ROBO2: variants seen among roughly 807,000 people sequenced by gnomAD.
ROBO2 encodes the protein roundabout homolog 2.
A neutral mutation model predicts 160.8 loss-of-function variants in ROBO2; 53 were observed. That is an observed-to-expected ratio of 0.33 (90% confidence interval 0.26 to 0.41). The LOEUF (loss-of-function observed/expected upper bound fraction) is 0.41, where lower values mean the gene tolerates loss of function less well. ROBO2 is among the 10% of genes least tolerant of loss of function. The pLI is 1.00. For synonymous variants in ROBO2, 664 were observed against 611.7 expected (o/e 1.09, Z -1.26); for missense variants, 1,577 against 1,722.4 (o/e 0.92, Z 1.49).
intron 2 of ROBO2, among the ~76,000 whole-genome samples, chr3:76,767,524 A>G (rs1449531022): frequency 1.3e-5 from 2 of 151,602 alleles, no homozygotes; most frequent in African/African-American, 4.8e-5. Flanking sequence ...TAGAAATGGA[A>G]AGAAATTTTC....
At chr3:76,766,984 A>G (rs578207716) in intron 2 of ROBO2, among the ~76,000 whole-genome samples, 82 of 151,690 alleles carry the variant, frequency 5.4e-4, no homozygotes, top group Non-Finnish European at 9.9e-4. Flanking sequence ...ACTTCACATT[A>G]TTTATAAAGT....
At chr3:76,214,789 C>CT (rs1293614787) in intron 2 of ROBO2, among the ~76,000 whole-genome samples, 1 of 152,210 alleles carries the variant, frequency 6.6e-6, no homozygotes, top group African/African-American at 2.4e-5. Flanking sequence ...TTAAATGTCT[C>CT]TGTCTGACAG....
At position 76,322,192 on chromosome 3, in the gene ROBO2, ATATATATATAT is replaced by A. The variant is rs1559761470; in HGVS notation, c.109+384591_109+384601del. Among the ~76,000 whole-genome samples the A allele has an allele frequency of 3.0e-3, 307 of 101,930 alleles. 4 individuals carry two copies. The highest frequency in any genetic ancestry group is 9.2e-3 in the African/African-American group (298 of 32,256). The allele number at this position is 101,930 out of a possible 152,430, so 66.9% of individuals were successfully genotyped here. A position where few individuals can be genotyped will look rare whatever the true frequency, so the allele number is the denominator to read the frequency against. ...TATATATATATATATATATATATAT[ATATATATATAT>A]AATATACACACACATATATACACAC... is the stretch of plus-strand genomic sequence containing the variant. On this transcript the variant is annotated intron_variant, in intron 2 of 26. Coordinates refer to the ROBO2 transcript ENST00000487694.
chr3:77,367,150 A>C (rs2071019469), intron 2 of ROBO2, among the ~76,000 whole-genome samples: 1 of 152,076 alleles, frequency 6.6e-6, no homozygotes, highest in Non-Finnish European at 1.5e-5. Context: ...TTGTACACAT[A>C]CCACTCATTG....
At chr3:76,224,110 T>C (rs2107431622) in intron 2 of ROBO2, among the ~76,000 whole-genome samples, 1 of 152,272 alleles carries the variant, frequency 6.6e-6, no homozygotes, top group South Asian at 2.1e-4. Flanking sequence ...TTATTACATA[T>C]CTACATATAT....
At chr3:77,287,087 A>G (rs796901171) in intron 2 of ROBO2, among the ~76,000 whole-genome samples, 16 of 152,296 alleles carry the variant, frequency 1.1e-4, no homozygotes, top group African/African-American at 3.8e-4. Flanking sequence ...TTACATCTGG[A>G]GTTCATAAGC....
At chr3:77,511,883 A>G (rs570728862) in intron 5 of ROBO2, among the ~76,000 whole-genome samples, 1 of 152,064 alleles carries the variant, frequency 6.6e-6, no homozygotes, top group South Asian at 2.1e-4. Flanking sequence ...CTTTCATTTT[A>G]CAATGAATGC....
At chr3:76,497,882 C>T (rs1284170587) in intron 2 of ROBO2, among the ~76,000 whole-genome samples, 1 of 152,126 alleles carries the variant, frequency 6.6e-6, no homozygotes, top group Non-Finnish European at 1.5e-5. Context: ...CCAGCATTTC[C>T]AGCATTCCCA....
Position 76,472,100 on chromosome 3 carries a change from TGCGC to T in ROBO2, c.109+534500_109+534503del, listed in dbSNP as rs1193840414. Among the ~76,000 whole-genome samples the T allele has an allele frequency of 9.7e-3, 1,080 of 111,090 alleles. 6 individuals carry two copies. The highest frequency in any genetic ancestry group is 0.016 in the African/African-American group (449 of 27,878). The allele number at this position is 111,090 out of a possible 152,430, so 72.9% of individuals were successfully genotyped here. A position where few individuals can be genotyped will look rare whatever the true frequency, so the allele number is the denominator to read the frequency against. The stretch of plus-strand genomic sequence containing the variant: ...GTGTGTGTGTGTGTGTGTGTGTGTG[TGCGC>T]GTGTGCGTGCGCATGTGTATCACTT... On this transcript the variant is annotated intron_variant, in intron 2 of 26. Transcript: ENST00000487694.
At chr3:77,180,388 T>TTCTCTCTCTCTCTCTCTC (rs369947015) in intron 2 of ROBO2, among the ~76,000 whole-genome samples, 9 of 99,458 alleles carry the variant, frequency 9.0e-5, no homozygotes, top group Non-Finnish European at 1.3e-4. Context: ...ACCTTTTGAA[T>TTCTCTCTCTCTCTCTCTC]TCTCTCTCTC....
chr3:77,325,949 T>A (rs1260246275), intron 2 of ROBO2, among the ~76,000 whole-genome samples: 1 of 152,218 alleles, frequency 6.6e-6, no homozygotes, highest in African/African-American at 2.4e-5. Context: ...GTTTTTCCCA[T>A]GGAATTGAAG....
chr3:76,810,857 A>G (rs1380611196), intron 2 of ROBO2, among the ~76,000 whole-genome samples: 1 of 152,182 alleles, frequency 6.6e-6, no homozygotes, highest in Non-Finnish European at 1.5e-5. Flanking sequence ...AAGCATTACT[A>G]TTTGGAGAAG....
intron 2 of ROBO2, among the ~76,000 whole-genome samples, chr3:77,021,551 G>T (rs1474729678): frequency 6.6e-6 from 1 of 152,166 alleles, no homozygotes; most frequent in Non-Finnish European, 1.5e-5. Context: ...AGGAGGTCCT[G>T]CCCTATACCC....
intron 2 of ROBO2, among the ~76,000 whole-genome samples, chr3:76,786,916 T>G (rs79295800): frequency 1.7e-3 from 252 of 151,490 alleles, no homozygotes; most frequent in Middle Eastern, 3.4e-3. Context: ...AATTGACTCA[T>G]AGTTCACAGG....
chr3:76,741,647 T>A (rs2108045269), intron 2 of ROBO2, among the ~76,000 whole-genome samples: 1 of 152,214 alleles, frequency 6.6e-6, no homozygotes, highest in African/African-American at 2.4e-5. Context: ...CCAGATATTC[T>A]TGGTCAAGCT....
Position 77,372,180 on chromosome 3 carries a change from G to T in ROBO2, c.389-105234G>T, listed in dbSNP as rs2071859066. 3.3e-5 allele frequency among the ~76,000 whole-genome samples: 5 copies of T among 151,908 alleles called. No homozygotes were observed. The South Asian group carries it at 1.0e-3, about 32-fold the overall frequency. ...GGAGGGAGAGAGTGAAGATGTGAGA[G>T]AGTAAAGGCAGGGGAAAGGAGGGAG... On this transcript the variant is annotated intron_variant, in intron 2 of 25. Coordinates refer to ENST00000461745, the Ensembl canonical transcript of ROBO2.
chr3:76,617,138 G>T (rs2088649709), intron 2 of ROBO2, among the ~76,000 whole-genome samples: 1 of 152,094 alleles, frequency 6.6e-6, no homozygotes, highest in Non-Finnish European at 1.5e-5. Flanking sequence ...GTGGTCCAAA[G>T]CCCCAGGTAT....
intron 2 of ROBO2, among the ~76,000 whole-genome samples, chr3:76,201,505 A>AT (rs1303604435): frequency 6.6e-6 from 1 of 152,186 alleles, no homozygotes; most frequent in Non-Finnish European, 1.5e-5. Context: ...TATGTCACTA[A>AT]TGTGCCATCA....
intron 2 of ROBO2, among the ~76,000 whole-genome samples, chr3:77,399,923 A>C (rs1037317413): frequency 6.6e-6 from 1 of 152,154 alleles, no homozygotes; most frequent in East Asian, 1.9e-4. Context: ...TCAGCTTGAC[A>C]CTATGATGCA....
Sources: allele counts gnomAD v4.1 joint callset (sites outside exome capture counted in the v4.1 genomes callset), GRCh38; gene constraint gnomAD v4.1.1; transcripts MANE v1.5; gene names NCBI Gene and HGNC (gene_info 2026-07-23, HGNC 2026-07-21).